The following FHIT variants were observed in gnomAD, a reference collection of about 807,000 sequenced individuals.
FHIT encodes fragile histidine triad diadenosine triphosphatase.
Under a neutral mutation model 17.9 loss-of-function variants are expected in FHIT, and 19 were observed. The observed-to-expected ratio is 1.06, with a 90% CI of 0.74 to 1.56. The LOEUF (loss-of-function observed/expected upper bound fraction) is 1.56, where lower values mean the gene tolerates loss of function less well. FHIT is among the 40% of genes most tolerant of loss of function. The pLI is 0.00. For synonymous variants in FHIT, 81 were observed against 69.7 expected, an observed-to-expected ratio of 1.16 and a Z score of -0.81; for missense variants, 248 against 189.2, an observed-to-expected ratio of 1.31 and a Z score of -1.82.
chr3:60,069,208 T>C (rs1290127626), intron 5 of FHIT, among the ~76,000 whole-genome samples: 1 of 152,194 alleles, frequency 6.6e-6, no homozygotes, highest in Non-Finnish European at 1.5e-5. Flanking sequence ...CCTATGAAGA[T>C]GAACGAGGAA....
chr3:60,673,909 G>A (rs1352002637), intron 4 of FHIT, among the ~76,000 whole-genome samples: 3 of 151,664 alleles, frequency 2.0e-5, no homozygotes, highest in Non-Finnish European at 4.4e-5. Flanking sequence ...ATCCTGCTTT[G>A]GTTTGCTAAA....
At chr3:60,607,900 G>A (rs1392662505) in intron 4 of FHIT, among the ~76,000 whole-genome samples, 1 of 152,160 alleles carries the variant, frequency 6.6e-6, no homozygotes, top group Non-Finnish European at 1.5e-5. Flanking sequence ...GATGAATGGA[G>A]AATAGTGTCT....
chr3:61,147,063 C>A (rs763279012), intron 2 of FHIT, among the ~76,000 whole-genome samples: 50 of 152,012 alleles, frequency 3.3e-4, no homozygotes, highest in Non-Finnish European at 6.0e-4. Context: ...CAAAACTCTT[C>A]TGGTTACAGA....
chr3:61,100,509 T>G (rs6797125), intron 2 of FHIT, among the ~76,000 whole-genome samples: 3 of 152,082 alleles, frequency 2.0e-5, no homozygotes, highest in Admixed American at 6.5e-5. Context: ...TGAATAGTGC[T>G]GCAATACACA....
At chr3:59,856,301 AAATT>A (rs1158513739) in intron 8 of FHIT, among the ~76,000 whole-genome samples, 2 of 152,246 alleles carry the variant, frequency 1.3e-5, no homozygotes, top group African/African-American at 2.4e-5. Context: ...GCTATTAAAT[AAATT>A]AAGGTAATTG....
At chr3:60,145,604 A>C (rs1234036345) in intron 5 of FHIT, among the ~76,000 whole-genome samples, 1 of 152,174 alleles carries the variant, frequency 6.6e-6, no homozygotes, top group Non-Finnish European at 1.5e-5. Context: ...TCAGCAACGG[A>C]AACAAACATA....
intron 5 of FHIT, among the ~76,000 whole-genome samples, chr3:60,433,184 C>G (rs899812884): frequency 6.6e-6 from 1 of 152,158 alleles, no homozygotes; most frequent in South Asian, 2.1e-4. Flanking sequence ...ACTTCTGTGA[C>G]TGGTTAATAT....
intron 3 of FHIT, among the ~76,000 whole-genome samples, chr3:60,866,441 G>T (rs1289336576): frequency 2.0e-5 from 3 of 152,130 alleles, no homozygotes; most frequent in African/African-American, 7.2e-5. Context: ...AGCAGCCAGT[G>T]GAGAGGCCCA....
chr3:60,278,289 G>A (rs1057270600), intron 5 of FHIT, among the ~76,000 whole-genome samples: 5 of 152,142 alleles, frequency 3.3e-5, no homozygotes, highest in Non-Finnish European at 7.3e-5. Context: ...TTCCCAGATT[G>A]TTCTCTGTAA....
rs370500045 is a variant in FHIT at position 59,925,581 on chromosome 3, G to A, written c.280-3167C>T. On this transcript the variant is annotated intron_variant, in intron 7 of 9. Transcript: ENST00000492590. ...CCCCTGCCTACTATTCTTTACCCTC[G>A]TCTTCTCGATTTAGTTCAGGGCTAT... Among the ~76,000 whole-genome samples, 244 of 152,122 alleles carry A rather than the reference G, an allele frequency of 1.6e-3. 2 individuals carry two copies. The highest frequency in any genetic ancestry group is 4.3e-3 in the African/African-American group (177 of 41,482).
chr3:61,035,657 T>A (rs1028615436), intron 3 of FHIT, among the ~76,000 whole-genome samples: 1 of 152,214 alleles, frequency 6.6e-6, no homozygotes, highest in East Asian at 1.9e-4. Flanking sequence ...CTTTCTCATA[T>A]GTAAACTGAA....
intron 4 of FHIT, among the ~76,000 whole-genome samples, chr3:60,748,616 A>T (rs1214875617): frequency 6.6e-6 from 1 of 152,200 alleles, no homozygotes; most frequent in African/African-American, 2.4e-5. Context: ...GTTCAAGACC[A>T]GCCTGGCCAA....
intron 7 of FHIT, among the ~76,000 whole-genome samples, chr3:59,964,344 A>G (rs996407238): frequency 9.9e-5 from 15 of 152,122 alleles, no homozygotes; most frequent in Non-Finnish European, 1.9e-4. Flanking sequence ...TCCATTCCCC[A>G]TGAACAATGG....
chr3:60,322,702 T>C (rs1384270574), intron 5 of FHIT, among the ~76,000 whole-genome samples: 1 of 152,164 alleles, frequency 6.6e-6, no homozygotes, highest in East Asian at 1.9e-4. Context: ...ATAAGTACAA[T>C]CGTATGATCA....
intron 8 of FHIT, among the ~76,000 whole-genome samples, chr3:59,768,581 G>A (rs1701917001): frequency 6.6e-6 from 1 of 152,206 alleles, no homozygotes; most frequent in Non-Finnish European, 1.5e-5. Context: ...GCAAAATCAT[G>A]TCTTTTCACA....
intron 4 of FHIT, among the ~76,000 whole-genome samples, chr3:60,625,919 A>G (rs1469693129): frequency 2.0e-5 from 3 of 152,202 alleles, no homozygotes; most frequent in African/African-American, 4.8e-5. Flanking sequence ...ATCTTTGTAT[A>G]TGGGGTCAGG....
chr3:61,232,359 C>T (rs2040127329), intron 1 of FHIT, among the ~76,000 whole-genome samples: 1 of 152,170 alleles, frequency 6.6e-6, no homozygotes, highest in Non-Finnish European at 1.5e-5. Flanking sequence ...TGCACTTCAG[C>T]CTGAGGGACA....
intron 4 of FHIT, among the ~76,000 whole-genome samples, chr3:60,762,642 T>C (rs1203827374): frequency 1.3e-5 from 2 of 152,208 alleles, no homozygotes; most frequent in African/African-American, 4.8e-5. Context: ...AGATACTTGT[T>C]CAAACATATC....
chr3:60,237,476 C>A (rs1430642392), intron 5 of FHIT, among the ~76,000 whole-genome samples: 1 of 152,098 alleles, frequency 6.6e-6, no homozygotes, highest in Admixed American at 6.6e-5. Flanking sequence ...ACTGAATTCA[C>A]GTTTAATTAT....
Sources: allele counts gnomAD v4.1 joint callset (sites outside exome capture counted in the v4.1 genomes callset), GRCh38; gene constraint gnomAD v4.1.1; transcripts MANE v1.5; gene names NCBI Gene and HGNC (gene_info 2026-07-23, HGNC 2026-07-21).